The following PCDH7 variants were observed in gnomAD, a reference collection of about 807,000 sequenced individuals.
PCDH7 encodes protocadherin-7.
A neutral mutation model predicts 58.9 loss-of-function variants in PCDH7; 17 were observed. The ratio of observed to expected loss-of-function variants is 0.29; its 90% confidence interval spans 0.20 to 0.43. The LOEUF (loss-of-function observed/expected upper bound fraction) is 0.43, where lower values mean the gene tolerates loss of function less well. Ranked by LOEUF, PCDH7 falls within the 20% of genes least tolerant of loss-of-function variation. The probability of loss-of-function intolerance (pLI) is 1.00; values close to 1 mark genes in which losing one functional copy is unlikely to be tolerated. For synonymous variants in PCDH7, 664 were observed against 616.4 expected (o/e 1.08, Z -1.14); for missense variants, 1,274 against 1,441.0 (o/e 0.88, Z 1.88).
chr4:31,065,403 C>T (rs1257455943), intron 3 of PCDH7, among the ~76,000 whole-genome samples: 1 of 151,942 alleles, frequency 6.6e-6, no homozygotes, highest in Admixed American at 6.6e-5. Flanking sequence ...AAATTGTCTT[C>T]ACTTTGTAGT....
intron 3 of PCDH7, among the ~76,000 whole-genome samples, chr4:30,992,990 G>A (rs1578508708): frequency 6.6e-6 from 1 of 151,736 alleles, no homozygotes; most frequent in East Asian, 1.9e-4. Flanking sequence ...GTAGAGATGG[G>A]GTTTCATCAG....
At chr4:31,000,149 C>T (rs531538478) in intron 3 of PCDH7, among the ~76,000 whole-genome samples, 1 of 152,058 alleles carries the variant, frequency 6.6e-6, no homozygotes, top group African/African-American at 2.4e-5. Context: ...TTTCATGGTC[C>T]CATCTGGAAT....
intron 3 of PCDH7, among the ~76,000 whole-genome samples, chr4:31,072,868 T>A (rs2109255256): frequency 6.6e-6 from 1 of 152,204 alleles, no homozygotes; most frequent in Admixed American, 6.6e-5. Context: ...GAATAAAATA[T>A]AGCAGCTGTG....
At chr4:30,851,557 G>A (rs115332526) in intron 1 of PCDH7, among the ~76,000 whole-genome samples, 2,416 of 152,092 alleles carry the variant, frequency 0.016, 68 homozygotes, top group African/African-American at 0.056. Context: ...AGACTAAATG[G>A]TTGGACAAAC....
At chr4:30,942,101 A>G (rs753721944) in intron 2 of PCDH7, among the ~76,000 whole-genome samples, 9 of 151,946 alleles carry the variant, frequency 5.9e-5, no homozygotes, top group Non-Finnish European at 1.2e-4. Context: ...TTACCATAAT[A>G]TATCCAGCGA....
chr4:30,865,419 G>A (rs1389236178), intron 1 of PCDH7, among the ~76,000 whole-genome samples: 2 of 152,024 alleles, frequency 1.3e-5, no homozygotes, highest in African/African-American at 4.8e-5. Flanking sequence ...TGGAAGTAGT[G>A]AGTTCCCATC....
intron 3 of PCDH7, among the ~76,000 whole-genome samples, chr4:31,038,704 C>T (rs964699149): frequency 4.6e-5 from 7 of 152,026 alleles, no homozygotes; most frequent in African/African-American, 1.2e-4. Context: ...AGCTATAGTT[C>T]CCTGATTTTC....
At chr4:31,101,198 A>G (rs1714850936) in intron 3 of PCDH7, among the ~76,000 whole-genome samples, 1 of 152,082 alleles carries the variant, frequency 6.6e-6, no homozygotes, top group African/African-American at 2.4e-5. Flanking sequence ...AGTCAATTAT[A>G]CTCTTGCAAG....
At chr4:30,962,270 T>C (rs367887173) in intron 3 of PCDH7, among the ~76,000 whole-genome samples, 6 of 152,154 alleles carry the variant, frequency 3.9e-5, no homozygotes, top group Non-Finnish European at 7.3e-5. Flanking sequence ...TCAGGAAATA[T>C]GACAAAATGA....
chr4:31,063,464 A>C (rs1757849367), intron 3 of PCDH7, among the ~76,000 whole-genome samples: 1 of 151,798 alleles, frequency 6.6e-6, no homozygotes, highest in Admixed American at 6.6e-5. Context: ...GGGGCCTGAC[A>C]GATTGTTAGG....
intron 2 of PCDH7, among the ~76,000 whole-genome samples, chr4:30,944,172 T>A (rs2109439696): frequency 6.6e-6 from 1 of 152,258 alleles, no homozygotes; most frequent in African/African-American, 2.4e-5. Flanking sequence ...TTCCTGAGGC[T>A]ACATGCTCTG....
intron 3 of PCDH7, among the ~76,000 whole-genome samples, chr4:31,118,094 C>T (rs2109319904): frequency 6.6e-6 from 1 of 152,194 alleles, no homozygotes; most frequent in Middle Eastern, 3.4e-3. Flanking sequence ...CTCCACAATC[C>T]CTGGGAAGGA....
At chr4:30,795,642 T>G (rs6820251) in intron 1 of PCDH7, among the ~76,000 whole-genome samples, 133,710 of 152,180 alleles carry the variant, frequency 0.88, 59,128 homozygotes, top group African/African-American at 0.96. Context: ...AATTGCAAGG[T>G]TGTGTCTGAT....
intron 1 of PCDH7, among the ~76,000 whole-genome samples, chr4:30,848,848 C>CT (rs1329698957): frequency 6.6e-6 from 1 of 152,060 alleles, no homozygotes; most frequent in African/African-American, 2.4e-5. Context: ...ACTATCCTAG[C>CT]TAGGTGATCA....
chr4:31,119,845 T>C (rs564290162), intron 3 of PCDH7, among the ~76,000 whole-genome samples: 14 of 152,178 alleles, frequency 9.2e-5, no homozygotes, highest in African/African-American at 3.4e-4. Flanking sequence ...CAGAAGGTCT[T>C]ACGCCAGTTA....
chr4:30,750,648 T>C (rs1239067839), intron 1 of PCDH7, among the ~76,000 whole-genome samples: 3 of 152,176 alleles, frequency 2.0e-5, no homozygotes, highest in Non-Finnish European at 4.4e-5. Context: ...GCATTTGTTT[T>C]TGCCACTTTC....
At chr4:30,807,017 T>C (rs530412287) in intron 1 of PCDH7, among the ~76,000 whole-genome samples, 2 of 152,308 alleles carry the variant, frequency 1.3e-5, no homozygotes, top group Admixed American at 6.5e-5. Flanking sequence ...AATTTTGGAA[T>C]GGTAAGCATC....
At chr4:31,051,998 G>A (rs973104634) in intron 3 of PCDH7, among the ~76,000 whole-genome samples, 1 of 152,090 alleles carries the variant, frequency 6.6e-6, no homozygotes, top group Non-Finnish European at 1.5e-5. Context: ...TTCATTGAAA[G>A]AGTTGATTGG....
chr4:31,101,232 T>G (rs2109300533), intron 3 of PCDH7, among the ~76,000 whole-genome samples: 1 of 152,334 alleles, frequency 6.6e-6, no homozygotes, highest in Non-Finnish European at 1.5e-5. Flanking sequence ...AAAGTGAGTT[T>G]AAATTTGAAT....
Sources: gnomAD v4.1 joint callset for allele counts (sites outside exome capture counted in the v4.1 genomes callset) on GRCh38, gnomAD v4.1.1 for gene constraint, MANE v1.5 for transcripts, NCBI Gene and HGNC (gene_info 2026-07-23, HGNC 2026-07-21) for gene names.